RAB3C: variants seen among roughly 807,000 people sequenced by gnomAD.
RAB3C encodes the protein RAB3C, member RAS oncogene family.
Under a neutral mutation model 26.4 loss-of-function variants are expected in RAB3C, and 17 were observed. That is an observed-to-expected ratio of 0.64 (90% CI 0.44 to 0.97). RAB3C has a LOEUF of 0.97. RAB3C is among the 50% of genes least tolerant of loss of function. The probability of loss-of-function intolerance (pLI) is 0.00; values close to 1 mark genes in which losing one functional copy is unlikely to be tolerated. For missense variants in RAB3C, 242 were observed against 281.9 expected (o/e 0.86, Z 1.01); for synonymous variants, 91 against 95.9 (o/e 0.95, Z 0.30).
At chr5:58,675,743 G>T (rs1413266911) in intron 2 of RAB3C, among the ~76,000 whole-genome samples, 3 of 150,756 alleles carry the variant, frequency 2.0e-5, no homozygotes, top group Non-Finnish European at 2.9e-5. Flanking sequence ...GAAGGGTTAA[G>T]ATTTCTATTA....
Position 58,850,809 on chromosome 5 carries a change from C to T in RAB3C, c.497-355C>T, listed in dbSNP as rs572362342. ...AAATCTAGATTTAGTGTTGAAGATT[C>T]TTACAGATAGATTTGGTATTGAGGA... is the stretch of plus-strand genomic sequence containing the variant. On this transcript the variant is annotated intron_variant, in intron 4 of 4. Coordinates refer to ENST00000282878, the MANE Select transcript of RAB3C (RefSeq NM_138453.4). Among the ~76,000 whole-genome samples the T allele has an allele frequency of 4.6e-5, 7 of 152,244 alleles. No homozygotes were observed. In the South Asian group the frequency reaches 1.5e-3, roughly 32 times the overall value.
chr5:58,642,200 C>A (rs1205559778), intron 2 of RAB3C, among the ~76,000 whole-genome samples: 1 of 152,190 alleles, frequency 6.6e-6, no homozygotes, highest in Non-Finnish European at 1.5e-5. Flanking sequence ...CATTACTGAA[C>A]TATAGAACTC....
In RAB3C at chr5:58,793,583, T is replaced by TTTA. The variant is rs1392625269; in HGVS notation, c.372-31453_372-31452insATT. Among the ~76,000 whole-genome samples, 56 of 138,234 alleles carry TTTA rather than the reference T, an allele frequency of 4.1e-4. 1 individual carries two copies. In the South Asian group the frequency reaches 0.011, roughly 28 times the overall value. The allele number at this position is 138,234 out of a possible 152,430, so 90.7% of individuals were successfully genotyped here. A position where few individuals can be genotyped will look rare whatever the true frequency, so the allele number is the denominator to read the frequency against. On this transcript the variant is annotated intron_variant, in intron 3 of 4. Transcript: ENST00000282878. ...GTGTTACAGACTTCATTTTGCCACT[T>TTTA]TTTTTTTTTTTGCTTTGGCAGAGTA...
At chr5:58,819,867 C>CA (rs1053284509) in intron 3 of RAB3C, among the ~76,000 whole-genome samples, 34 of 151,956 alleles carry the variant, frequency 2.2e-4, no homozygotes, top group Non-Finnish European at 4.0e-4. Context: ...GACTCCACCT[C>CA]AAAAAAAACT....
intron 4 of RAB3C, among the ~76,000 whole-genome samples, chr5:58,835,838 C>T (rs1250861946): frequency 1.3e-5 from 2 of 152,112 alleles, no homozygotes; most frequent in African/African-American, 4.8e-5. Flanking sequence ...AATTAATCTG[C>T]TAAGTGTTGA....
intron 2 of RAB3C, among the ~76,000 whole-genome samples, chr5:58,638,086 A>G (rs1023469106): frequency 7.2e-5 from 11 of 152,166 alleles, no homozygotes; most frequent in Admixed American, 1.3e-4. Flanking sequence ...CCCAGAAAAT[A>G]GAATTTTGAG....
chr5:58,616,480 C>A (rs1746827751), intron 1 of RAB3C, among the ~76,000 whole-genome samples: 1 of 152,020 alleles, frequency 6.6e-6, no homozygotes, highest in Non-Finnish European at 1.5e-5. Context: ...CTATATTGAG[C>A]CAAATGGTAC....
At chr5:58,589,469 G>A (rs1379452574) in intron 1 of RAB3C, among the ~76,000 whole-genome samples, 2 of 152,176 alleles carry the variant, frequency 1.3e-5, no homozygotes, top group Non-Finnish European at 2.9e-5. Context: ...TAATTTTGTT[G>A]CATAAGATTA....
At position 58,588,459 on chromosome 5, in the gene RAB3C, C is replaced by T. The variant is rs1043927726; in HGVS notation, c.24+5227C>T. Among the ~76,000 whole-genome samples, 8 of 152,018 alleles carry T rather than the reference C, an allele frequency of 5.3e-5. No homozygotes were observed. In the South Asian group the frequency reaches 6.2e-4, roughly 12 times the overall value. On this transcript the variant is annotated intron_variant, in intron 1 of 4. Coordinates refer to ENST00000282878, the MANE Select transcript of RAB3C (RefSeq NM_138453.4). Reference sequence around the variant, plus strand: ...AAATTTGAATTTTCCTAATGATGAACGGTTTTTAGTATATTTTTATGTGCT... The same window carrying T: ...AAATTTGAATTTTCCTAATGATGAATGGTTTTTAGTATATTTTTATGTGCT...
intron 2 of RAB3C, among the ~76,000 whole-genome samples, chr5:58,632,070 G>C (rs1196201918): frequency 6.6e-6 from 1 of 152,228 alleles, no homozygotes; most frequent in Non-Finnish European, 1.5e-5. Context: ...GCCTGGCCTT[G>C]ATGGTGACAC....
At chr5:58,758,438 A>G (rs900991045) in intron 3 of RAB3C, among the ~76,000 whole-genome samples, 3 of 152,292 alleles carry the variant, frequency 2.0e-5, no homozygotes, top group Admixed American at 1.3e-4. Context: ...CCTCATATAT[A>G]TAGACATATT....
chr5:58,605,790 T>C (rs1746551719), intron 1 of RAB3C, among the ~76,000 whole-genome samples: 1 of 152,110 alleles, frequency 6.6e-6, no homozygotes, highest in Admixed American at 6.5e-5. Flanking sequence ...TTGTAATCCC[T>C]GCTACTTGGG....
Position 58,851,405 on chromosome 5 carries a change from T to C in RAB3C, c.*54T>C, listed in dbSNP as rs1411594631. The C allele has an allele frequency of 7.1e-7, 1 of 1,413,242 alleles. No homozygotes were observed. The highest frequency in any genetic ancestry group is 2.3e-5 in the East Asian group (1 of 43,178). 87.5% of individuals were successfully genotyped at this position (1,413,242 alleles called of 1,614,324 possible). A position where few individuals can be genotyped will look rare whatever the true frequency, so the allele number is the denominator to read the frequency against. On this transcript the variant is annotated 3_prime_UTR_variant, in exon 5 of 5. Transcript: ENST00000282878. The stretch of plus-strand genomic sequence containing the variant: ...GGGCTCTGGTTGCCAACAAACAGCA[T>C]TTGTAAATGGTCTATTAGCCTTCAT...
At chr5:58,607,040 A>G (rs902493134) in intron 1 of RAB3C, among the ~76,000 whole-genome samples, 13 of 152,208 alleles carry the variant, frequency 8.5e-5, no homozygotes, top group African/African-American at 3.1e-4. Flanking sequence ...CCAGCAACAG[A>G]ACAAAGCTGG....
intron 3 of RAB3C, among the ~76,000 whole-genome samples, chr5:58,806,277 A>C (rs924583354): frequency 3.3e-5 from 5 of 152,216 alleles, no homozygotes; most frequent in Non-Finnish European, 7.3e-5. Flanking sequence ...TATTGAGACC[A>C]AATATGTAAA....
intron 4 of RAB3C, among the ~76,000 whole-genome samples, chr5:58,831,927 C>A (rs1376927154): frequency 6.6e-6 from 1 of 152,148 alleles, no homozygotes; most frequent in Non-Finnish European, 1.5e-5. Context: ...CCCAAGCCAA[C>A]TAAATTGGAA....
At chr5:58,588,024 T>C (rs1746048118) in intron 1 of RAB3C, among the ~76,000 whole-genome samples, 1 of 152,204 alleles carries the variant, frequency 6.6e-6, no homozygotes, top group African/African-American at 2.4e-5. Context: ...TGTTGTTGCA[T>C]GTTTCAATAA....
In RAB3C at chr5:58,601,823, TTTTG is replaced by T. The variant is rs1015414687; in HGVS notation, c.25-15808_25-15805del. On this transcript the variant is annotated intron_variant, in intron 1 of 4. Transcript: ENST00000282878. ...TTTTGTTTCATTTATCTTTTGTATT[TTTTG>T]TTTGTTTGTTTCTTTCAATTTCATT... is the stretch of plus-strand genomic sequence containing the variant. 1.9e-4 allele frequency among the ~76,000 whole-genome samples: 29 copies of T among 152,210 alleles called. No individual in the cohort carries two copies. In the East Asian group the frequency reaches 3.5e-3, roughly 18 times the overall value.
chr5:58,645,529 A>G (rs532479158), intron 2 of RAB3C, among the ~76,000 whole-genome samples: 2 of 152,254 alleles, frequency 1.3e-5, no homozygotes, highest in East Asian at 3.9e-4. Context: ...CTACCCACCT[A>G]CCCACCGTCA....
Sources: allele counts gnomAD v4.1 joint callset (sites outside exome capture counted in the v4.1 genomes callset), GRCh38; gene constraint gnomAD v4.1.1; transcripts MANE v1.5; gene names NCBI Gene and HGNC (gene_info 2026-07-23, HGNC 2026-07-21).